SEMA6D: variants seen among roughly 807,000 people sequenced by gnomAD.
SEMA6D encodes semaphorin 6D, also known as semaphorin-6D.
In SEMA6D, 35 loss-of-function variants were observed where a neutral mutation model predicts 106.6. The ratio of observed to expected loss-of-function variants is 0.33; its 90% confidence interval spans 0.25 to 0.44. SEMA6D has a LOEUF of 0.44. SEMA6D is among the 20% of genes least tolerant of loss of function. The probability of loss-of-function intolerance (pLI) is 1.00; values close to 1 mark genes in which losing one functional copy is unlikely to be tolerated. For synonymous variants in SEMA6D, 499 were observed against 487.7 expected (o/e 1.02, Z -0.31); for missense variants, 1,185 against 1,345.9 (o/e 0.88, Z 1.87).
upstream of SEMA6D, among the ~76,000 whole-genome samples, chr15:47,713,022 A>C (rs1179720985): frequency 1.3e-5 from 2 of 152,178 alleles, no homozygotes; most frequent in East Asian, 3.8e-4. Context: ...TGTTTGCAAA[A>C]GAGCTAGTGT....
chr15:47,377,230 A>G (rs281250), intron 1 of SEMA6D, among the ~76,000 whole-genome samples: 98,504 of 152,128 alleles, frequency 0.65, 32,711 homozygotes, highest in Non-Finnish European at 0.72. Context: ...AATCAAATAT[A>G]TAATTTACAT....
intron 3 of SEMA6D, chr15:47,527,645 A>G (rs2142017172): frequency 1.3e-5 from 2 of 152,300 alleles, no homozygotes; most frequent in Middle Eastern, 6.8e-3. Context: ...TTTCCTCACC[A>G]TGTCTGTTTT....
intron 3 of SEMA6D, among the ~76,000 whole-genome samples, chr15:47,595,942 CA>C (rs1360542211): frequency 6.6e-6 from 1 of 151,800 alleles, no homozygotes; most frequent in Non-Finnish European, 1.5e-5. Context: ...AGGTCCTTGC[CA>C]GAGTAATTAA....
intron 2 of SEMA6D, among the ~76,000 whole-genome samples, chr15:47,420,186 C>A (rs2041107598): frequency 6.6e-6 from 1 of 152,056 alleles, no homozygotes; most frequent in Non-Finnish European, 1.5e-5. Context: ...CTGGTTCCCT[C>A]TGAGTTCATC....
chr15:47,227,421 C>CTTTCTTTT (rs1555407171), intron 1 of SEMA6D, among the ~76,000 whole-genome samples: 1 of 96,724 alleles, frequency 1.0e-5, no homozygotes, highest in East Asian at 2.1e-4. Context: ...CTTTCTTTCT[C>CTTTCTTTT]TTTCTTTCTT....
At chr15:47,196,678 T>C (rs1335957236) in intron 1 of SEMA6D, among the ~76,000 whole-genome samples, 1 of 152,206 alleles carries the variant, frequency 6.6e-6, no homozygotes, top group Non-Finnish European at 1.5e-5. Flanking sequence ...ATGTAAAATG[T>C]CTTAATTTAA....
At chr15:47,220,443 T>C (rs987088936) in intron 1 of SEMA6D, among the ~76,000 whole-genome samples, 1 of 152,184 alleles carries the variant, frequency 6.6e-6, no homozygotes, top group African/African-American at 2.4e-5. Context: ...CACAAGCCTT[T>C]CTACAGTGGA....
intron 1 of SEMA6D, among the ~76,000 whole-genome samples, chr15:47,288,327 C>T (rs1371527190): frequency 1.3e-5 from 2 of 152,154 alleles, no homozygotes; most frequent in Non-Finnish European, 2.9e-5. Context: ...CATTCCAGTG[C>T]CCTGTGGTGG....
chr15:47,671,841 A>G (rs886306020), intron 4 of SEMA6D, among the ~76,000 whole-genome samples: 2 of 152,158 alleles, frequency 1.3e-5, no homozygotes, highest in Non-Finnish European at 2.9e-5. Flanking sequence ...AATAATGTGA[A>G]TGGCAGGGAG....
At chr15:47,329,663 T>C (rs567247791) in intron 1 of SEMA6D, among the ~76,000 whole-genome samples, 1 of 152,308 alleles carries the variant, frequency 6.6e-6, no homozygotes, top group East Asian at 1.9e-4. Flanking sequence ...TGCAGCAGTG[T>C]TTCTTTTAGG....
intron 2 of SEMA6D, among the ~76,000 whole-genome samples, chr15:47,429,424 G>T (rs1021734368): frequency 6.6e-6 from 1 of 152,096 alleles, no homozygotes; most frequent in African/African-American, 2.4e-5. Flanking sequence ...AGCTCCAAGA[G>T]GTCATGAAGT....
At chr15:47,631,756 G>T (rs1314421113) in intron 4 of SEMA6D, among the ~76,000 whole-genome samples, 1 of 151,932 alleles carries the variant, frequency 6.6e-6, no homozygotes, top group East Asian at 1.9e-4. Flanking sequence ...TCAGACTTCA[G>T]ATCTCCAGAA....
chr15:47,761,613 G>A (rs555955276), intron 6 of SEMA6D, 48 bp from the exon 7 acceptor site: 31 of 1,417,612 alleles, frequency 2.2e-5, no homozygotes, highest in Admixed American at 4.0e-5. Flanking sequence ...GCCTTCAAAC[G>A]GGCACGTTGA....
At chr15:47,763,815 A>C in intron 9 of SEMA6D, 35 bp from the exon 10 acceptor site, 1 of 1,569,024 alleles carries the variant, frequency 6.4e-7, no homozygotes, top group Non-Finnish European at 8.8e-7. Context: ...TTCCATGCTC[A>C]TAACCCCATT....
chr15:47,445,811 C>A (rs1015235167), intron 2 of SEMA6D, among the ~76,000 whole-genome samples: 9 of 151,838 alleles, frequency 5.9e-5, no homozygotes, highest in African/African-American at 2.2e-4. Flanking sequence ...GTTCATGTAC[C>A]CCATTCACGC....
chr15:47,367,709 CACACACA>C (rs2039106334), intron 1 of SEMA6D, among the ~76,000 whole-genome samples: 1 of 151,434 alleles, frequency 6.6e-6, no homozygotes, highest in African/African-American at 2.4e-5. Context: ...CACACACACA[CACACACA>C]CACACACACA....
chr15:47,555,447 A>G (rs1000183162), intron 3 of SEMA6D, among the ~76,000 whole-genome samples: 5 of 152,238 alleles, frequency 3.3e-5, no homozygotes. Context: ...TGCATACAAT[A>G]CGTTTCATTT....
At chr15:47,660,219 G>C (rs1452764897) in intron 4 of SEMA6D, among the ~76,000 whole-genome samples, 1 of 151,858 alleles carries the variant, frequency 6.6e-6, no homozygotes, top group African/African-American at 2.4e-5. Flanking sequence ...CTGAGAAATA[G>C]GTAAAGTCAC....
At chr15:47,585,095 T>C (rs2076314598) in intron 3 of SEMA6D, among the ~76,000 whole-genome samples, 1 of 152,222 alleles carries the variant, frequency 6.6e-6, no homozygotes, top group African/African-American at 2.4e-5. Flanking sequence ...GTTTGGCATC[T>C]GTTTATGTCA....
Sources: gnomAD v4.1 joint callset for allele counts (sites outside exome capture counted in the v4.1 genomes callset) on GRCh38, gnomAD v4.1.1 for gene constraint, MANE v1.5 for transcripts, NCBI Gene and HGNC (gene_info 2026-07-23, HGNC 2026-07-21) for gene names.